GRID2: variants seen among roughly 807,000 people sequenced by gnomAD.
GRID2 encodes glutamate ionotropic receptor delta type subunit 2, also known as glutamate receptor ionotropic, delta-2.
In GRID2, 33 loss-of-function variants were observed where a neutral mutation model predicts 114.8. The observed-to-expected ratio is 0.29, with a 90% CI of 0.22 to 0.38. The LOEUF is 0.38. GRID2 is among the 10% of genes least tolerant of loss of function. GRID2 has a pLI of 1.00. For synonymous variants in GRID2, 505 were observed against 449.9 expected (o/e 1.12, Z -1.55); for missense variants, 1,184 against 1,257.7 (o/e 0.94, Z 0.89).
intron 11 of GRID2, among the ~76,000 whole-genome samples, chr4:93,484,972 A>G (rs1726241099): frequency 6.6e-6 from 1 of 151,896 alleles, no homozygotes; most frequent in Non-Finnish European, 1.5e-5. Context: ...ATTCTAAGAT[A>G]TGCATACGTT....
chr4:92,357,759 C>A (rs929560806), intron 1 of GRID2, among the ~76,000 whole-genome samples: 1 of 151,690 alleles, frequency 6.6e-6, no homozygotes, highest in African/African-American at 2.4e-5. Flanking sequence ...CTTTGAGTCA[C>A]AGTATTTTAA....
chr4:92,711,079 G>A (rs1246461224), intron 2 of GRID2, among the ~76,000 whole-genome samples: 2 of 151,860 alleles, frequency 1.3e-5, no homozygotes, highest in African/African-American at 4.8e-5. Context: ...CACTATTAAA[G>A]TATTTATTTC....
At position 93,096,150 on chromosome 4, in the gene GRID2, G is replaced by T. The variant is rs1480477868; in HGVS notation, c.529+10871G>T. Among the ~76,000 whole-genome samples the T allele has an allele frequency of 3.3e-5, 5 of 151,790 alleles. No homozygotes were observed. In the Admixed American group the frequency reaches 3.3e-4, roughly 10 times the overall value. Reference sequence around the variant, plus strand: ...TTAAGCAACATTGCTGAACCAATTGGGTCCCTGTATGGAATCAAAACAAAA... The same window carrying T: ...TTAAGCAACATTGCTGAACCAATTGTGTCCCTGTATGGAATCAAAACAAAA... On this transcript the variant is annotated intron_variant, in intron 3 of 15. Coordinates refer to ENST00000282020, the MANE Select transcript of GRID2 (RefSeq NM_001510.4).
chr4:93,136,114 C>T (rs527239924), intron 4 of GRID2, among the ~76,000 whole-genome samples: 1 of 152,056 alleles, frequency 6.6e-6, no homozygotes, highest in Non-Finnish European at 1.5e-5. Flanking sequence ...AAGCTAATGT[C>T]CAGGCGGTTG....
At chr4:93,190,981 T>C (rs912063516) in intron 4 of GRID2, among the ~76,000 whole-genome samples, 8 of 152,042 alleles carry the variant, frequency 5.3e-5, no homozygotes, top group African/African-American at 1.9e-4. Flanking sequence ...ATTTGAAGAA[T>C]ATTTAGAAAT....
At chr4:92,626,807 G>C (rs1337800050) in intron 2 of GRID2, among the ~76,000 whole-genome samples, 4 of 151,980 alleles carry the variant, frequency 2.6e-5, no homozygotes, top group South Asian at 4.1e-4. Flanking sequence ...AGGGACCATG[G>C]GTGAGAGACA....
At chr4:93,066,932 G>A (rs890950410) in intron 2 of GRID2, among the ~76,000 whole-genome samples, 6 of 151,994 alleles carry the variant, frequency 3.9e-5, no homozygotes, top group African/African-American at 1.4e-4. Context: ...TGGGTAGGTA[G>A]CATGTACAGT....
intron 2 of GRID2, among the ~76,000 whole-genome samples, chr4:93,021,565 T>C (rs929675754): frequency 1.4e-5 from 2 of 146,068 alleles, no homozygotes; most frequent in African/African-American, 4.9e-5. Context: ...TTTTAAATAA[T>C]AAATAATATA....
chr4:92,777,281 A>G (rs1436864505), intron 2 of GRID2, among the ~76,000 whole-genome samples: 3 of 152,052 alleles, frequency 2.0e-5, no homozygotes, highest in Admixed American at 6.6e-5. Context: ...TAAAAATACT[A>G]TATACTATGT....
intron 2 of GRID2, among the ~76,000 whole-genome samples, chr4:92,940,995 T>C (rs944191778): frequency 2.0e-5 from 3 of 152,190 alleles, no homozygotes; most frequent in Admixed American, 6.5e-5. Flanking sequence ...GATTTTTGCA[T>C]TGATGTTCAT....
rs569714981 is a variant in GRID2 at position 92,646,839 on chromosome 4, T to C, written c.244+56553T>C. ...ATCATTATTATCACTCCTGAATTAG[T>C]AAATGCTGTTAATAATCAACAAACT... On this transcript the variant is annotated intron_variant, in intron 2 of 15. Coordinates refer to ENST00000282020, the MANE Select transcript of GRID2 (RefSeq NM_001510.4). Among the ~76,000 whole-genome samples, 11 of 152,306 alleles carry C rather than the reference T, an allele frequency of 7.2e-5. No individual in the cohort carries two copies. In the South Asian group the frequency reaches 1.9e-3, roughly 26 times the overall value.
chr4:93,729,874 A>C (rs1462313420), intron 14 of GRID2, among the ~76,000 whole-genome samples: 1 of 152,172 alleles, frequency 6.6e-6, no homozygotes, highest in Non-Finnish European at 1.5e-5. Flanking sequence ...TGTATAATTA[A>C]ATGGTTCAGC....
intron 8 of GRID2, among the ~76,000 whole-genome samples, chr4:93,327,589 C>G (rs568931955): frequency 5.8e-4 from 89 of 152,148 alleles, no homozygotes; most frequent in African/African-American, 2.0e-3. Flanking sequence ...TCTTTTGCAG[C>G]AACATGGATG....
chr4:92,373,157 G>A (rs1478515301), intron 1 of GRID2, among the ~76,000 whole-genome samples: 2 of 152,148 alleles, frequency 1.3e-5, no homozygotes, highest in Admixed American at 6.6e-5. Flanking sequence ...TCAGGAAGCA[G>A]GGGTAATTCT....
chr4:92,915,029 C>A (rs1748674792), intron 2 of GRID2, among the ~76,000 whole-genome samples: 1 of 152,256 alleles, frequency 6.6e-6, no homozygotes, highest in Middle Eastern at 3.4e-3. Context: ...GCTGAAGAGT[C>A]CCCATGAAAC....
chr4:92,751,012 A>G (rs901027118), intron 2 of GRID2, among the ~76,000 whole-genome samples: 3 of 152,158 alleles, frequency 2.0e-5, no homozygotes, highest in African/African-American at 7.2e-5. Context: ...CACTAGAAAA[A>G]TTGGAATGGT....
chr4:92,384,161 G>A (rs565604710), intron 1 of GRID2, among the ~76,000 whole-genome samples: 6 of 151,018 alleles, frequency 4.0e-5, no homozygotes, highest in South Asian at 2.1e-4. Flanking sequence ...GTGTGTCTGC[G>A]TGTGAAGTGG....
chr4:92,366,014 TAACAA>T (rs1277686777), intron 1 of GRID2, among the ~76,000 whole-genome samples: 3 of 152,128 alleles, frequency 2.0e-5, no homozygotes, highest in African/African-American at 7.2e-5. Context: ...ATTAAGTTCA[TAACAA>T]ATGTTGGCTA....
chr4:93,242,951 T>G (rs1747715412), intron 8 of GRID2, among the ~76,000 whole-genome samples: 1 of 152,060 alleles, frequency 6.6e-6, no homozygotes, highest in African/African-American at 2.4e-5. Flanking sequence ...ACTTTGTCCT[T>G]AAGTAATAAC....
Sources: allele counts gnomAD v4.1 joint callset (sites outside exome capture counted in the v4.1 genomes callset), GRCh38; gene constraint gnomAD v4.1.1; transcripts MANE v1.5; gene names NCBI Gene and HGNC (gene_info 2026-07-23, HGNC 2026-07-21).